The following RFFL variants were observed in gnomAD, a reference collection of about 807,000 sequenced individuals.
RFFL encodes E3 ubiquitin-protein ligase rififylin.
A neutral mutation model predicts 40.4 loss-of-function variants in RFFL; 16 were observed. The observed-to-expected ratio is 0.40, with a 90% CI of 0.27 to 0.60. The LOEUF (loss-of-function observed/expected upper bound fraction) is 0.60, where lower values mean the gene tolerates loss of function less well. Ranked by LOEUF, RFFL falls within the 20% of genes least tolerant of loss-of-function variation. The pLI, the probability that RFFL is intolerant of heterozygous loss-of-function variation, is 0.47. For synonymous variants in RFFL, 154 were observed against 167.9 expected (o/e 0.92, Z 0.64); for missense variants, 367 against 451.7 (o/e 0.81, Z 1.70).
chr17:35,036,200 T>G (rs944043906), intron 1 of RFFL: 1 of 152,230 alleles, frequency 6.6e-6, no homozygotes, highest in African/African-American at 2.4e-5. Context: ...ATTTTTTTCA[T>G]TCCTCATCCC....
At chr17:35,034,285 T>C (rs1430012186) in intron 1 of RFFL, among the ~76,000 whole-genome samples, 3 of 151,984 alleles carry the variant, frequency 2.0e-5, no homozygotes, top group Non-Finnish European at 4.4e-5. Context: ...GCTATGATCA[T>C]GCCACAGCAC....
chr17:35,087,423 G>C (rs2091436964), intron 1 of RFFL, among the ~76,000 whole-genome samples: 1 of 152,176 alleles, frequency 6.6e-6, no homozygotes, highest in South Asian at 2.1e-4. Flanking sequence ...CATGAGAGAA[G>C]GTTTGAAAGA....
At chr17:35,083,463 C>A (rs560245797) in intron 1 of RFFL, among the ~76,000 whole-genome samples, 75 of 152,230 alleles carry the variant, frequency 4.9e-4, no homozygotes, top group African/African-American at 1.7e-3. Context: ...TTTCAATGTG[C>A]ATAATTTCAC....
chr17:35,069,834 C>A (rs1368749388), intron 1 of RFFL, among the ~76,000 whole-genome samples: 1 of 151,812 alleles, frequency 6.6e-6, no homozygotes, highest in Non-Finnish European at 1.5e-5. Context: ...TCAAAGGTAC[C>A]TCTCTCATCC....
At chr17:35,029,702 T>C in intron 1 of RFFL, among the ~76,000 whole-genome samples, 1 of 151,388 alleles carries the variant, frequency 6.6e-6, no homozygotes, top group Non-Finnish European at 1.5e-5. Flanking sequence ...TTTTTTTTTA[T>C]TATTATACTT....
chr17:35,082,118 C>CT (rs1020868312), intron 1 of RFFL, among the ~76,000 whole-genome samples: 1 of 152,102 alleles, frequency 6.6e-6, no homozygotes, highest in African/African-American at 2.4e-5. Flanking sequence ...TACTAATCAG[C>CT]TTTTTTAACA....
At chr17:35,034,289 A>G (rs150099114) in intron 1 of RFFL, among the ~76,000 whole-genome samples, 1,921 of 152,196 alleles carry the variant, frequency 0.013, 11 homozygotes, top group Non-Finnish European at 0.02. Context: ...TGATCATGCC[A>G]CAGCACACTC....
chr17:35,014,745 T>C lies in RFFL; in HGVS notation c.905A>G (p.Gln302Arg), dbSNP rs1291282249. Reference protein sequence around the residue: ...LQHLVSGAEDQNGGAVPSGLE... With the variant: ...LQHLVSGAEDRNGGAVPSGLE... ...AAACAGAAACAACTACATACCGTTT[T>C]GGTCTTCGGCACCACTGACTGAAAA... The change falls in exon 6 of 7, where the codon CAA becomes CGA. Residue 302 changes from glutamine to arginine, a missense_variant. Gln to Arg is a conservative substitution (Grantham distance 43, BLOSUM62 1). Transcript: ENST00000394597. 2 of 1,613,686 alleles carry C rather than the reference T, an allele frequency of 1.2e-6. No individual in the cohort carries two copies. Among genetic ancestry groups the C allele is most frequent in the Non-Finnish European group, 1.7e-6 (2 of 1,179,702 alleles).
intron 1 of RFFL, among the ~76,000 whole-genome samples, chr17:35,049,874 G>A (rs779317068): frequency 8.5e-5 from 13 of 152,154 alleles, no homozygotes; most frequent in Non-Finnish European, 1.8e-4. Flanking sequence ...CTGAGGTCAG[G>A]AGTTTGAGAC....
At chr17:35,062,053 C>G (rs1465105086) in intron 1 of RFFL, among the ~76,000 whole-genome samples, 1 of 151,846 alleles carries the variant, frequency 6.6e-6, no homozygotes, top group Non-Finnish European at 1.5e-5. Context: ...AGCCACACAT[C>G]AAACAGTACT....
At chr17:35,054,266 T>C (rs2091247313) in intron 1 of RFFL, among the ~76,000 whole-genome samples, 1 of 152,200 alleles carries the variant, frequency 6.6e-6, no homozygotes, top group Admixed American at 6.5e-5. Context: ...TATCCCAATA[T>C]AACTTGCATC....
At chr17:35,012,260 CAAAG>C in intron 6 of RFFL, 111 bp from the exon 7 acceptor site, 1 of 905,204 alleles carries the variant, frequency 1.1e-6, no homozygotes, top group Non-Finnish European at 1.6e-6. Context: ...ACATTGTAAA[CAAAG>C]TCTCAGTGCA....
intron 1 of RFFL, among the ~76,000 whole-genome samples, chr17:35,087,402 A>G (rs1472661998): frequency 6.6e-6 from 1 of 152,152 alleles, no homozygotes; most frequent in Non-Finnish European, 1.5e-5. Context: ...AGTTATGTCA[A>G]CTGGCTTGGT....
At chr17:35,015,612 C>G (rs1223447878) in intron 5 of RFFL, among the ~76,000 whole-genome samples, 1 of 152,150 alleles carries the variant, frequency 6.6e-6, no homozygotes. Flanking sequence ...GAGCCTGAAA[C>G]CTGACTTCAA....
At chr17:35,015,663 G>T (rs2090969031) in intron 5 of RFFL, among the ~76,000 whole-genome samples, 1 of 152,168 alleles carries the variant, frequency 6.6e-6, no homozygotes, top group South Asian at 2.1e-4. Flanking sequence ...TGCTCTGTAG[G>T]AACCAAATCA....
chr17:35,013,158 A>G (rs983055090), intron 6 of RFFL, among the ~76,000 whole-genome samples: 10 of 152,274 alleles, frequency 6.6e-5, no homozygotes, highest in African/African-American at 2.4e-4. Context: ...CAAAAAAGTT[A>G]AGTGGCTTGC....
At chr17:35,036,129 G>A (rs956101557) in intron 1 of RFFL, among the ~76,000 whole-genome samples, 1 of 152,132 alleles carries the variant, frequency 6.6e-6, no homozygotes. Flanking sequence ...TTCAGAGGGC[G>A]GAAGGAAAGA....
intron 6 of RFFL, among the ~76,000 whole-genome samples, chr17:35,014,464 G>C (rs955838046): frequency 5.3e-5 from 8 of 152,154 alleles, no homozygotes; most frequent in African/African-American, 1.9e-4. Flanking sequence ...CTCTGTTTCA[G>C]TGTTTTACAA....
chr17:35,074,480 G>A (rs1302031770), intron 1 of RFFL: 1 of 152,158 alleles, frequency 6.6e-6, no homozygotes, highest in Admixed American at 6.5e-5. Flanking sequence ...TTATTCAAAA[G>A]GTAATCATCC....
Sources: allele counts gnomAD v4.1 joint callset (sites outside exome capture counted in the v4.1 genomes callset), GRCh38; gene constraint gnomAD v4.1.1; transcripts MANE v1.5; gene names NCBI Gene and HGNC (gene_info 2026-07-23, HGNC 2026-07-21).